MEIS1: variants seen among roughly 807,000 people sequenced by gnomAD.
The protein encoded by MEIS1 is Meis homeobox 1.
A neutral mutation model predicts 50.8 loss-of-function variants in MEIS1; 5 were observed. That is an observed-to-expected ratio of 0.10 (90% CI 0.05 to 0.21). The LOEUF (loss-of-function observed/expected upper bound fraction) is 0.21, where lower values mean the gene tolerates loss of function less well. Ranked by LOEUF, MEIS1 falls within the 10% of genes least tolerant of loss-of-function variation. The pLI is 1.00. For synonymous variants in MEIS1, 176 were observed against 179.3 expected, an observed-to-expected ratio of 0.98 and a Z score of 0.15; for missense variants, 318 against 517.3, an observed-to-expected ratio of 0.61 and a Z score of 3.74.
chr2:66,533,554 G>A (rs1156581138), intron 8 of MEIS1, among the ~76,000 whole-genome samples: 1 of 152,098 alleles, frequency 6.6e-6, no homozygotes. Context: ...TTAGAATCTA[G>A]TAATTATTTA....
intron 8 of MEIS1, among the ~76,000 whole-genome samples, chr2:66,520,304 C>T (rs1674082446): frequency 1.8e-5 from 2 of 112,564 alleles, no homozygotes; most frequent in South Asian, 8.0e-4. Flanking sequence ...GAAACCCCGT[C>T]TCTACTAAAA....
At chr2:66,476,849 G>C (rs72895124) in intron 7 of MEIS1, among the ~76,000 whole-genome samples, 9,116 of 152,108 alleles carry the variant, frequency 0.06, 920 homozygotes, top group African/African-American at 0.2. Context: ...TCTCCTAAGA[G>C]AGCAAGTCTA....
intron 8 of MEIS1, among the ~76,000 whole-genome samples, chr2:66,544,353 A>T (rs1410609052): frequency 6.6e-6 from 1 of 152,142 alleles, no homozygotes; most frequent in African/African-American, 2.4e-5. Flanking sequence ...ATTGAAACAT[A>T]TTAGGTTTCA....
In MEIS1 at chr2:66,499,696, T is replaced by TAA. The variant is rs35294226; in HGVS notation, c.743-12437_743-12436dup. ...ACCAGTGAAGTGAGGGTACATAGGT[T>TAA]AAAAAAAAAAAAAAAAAGCTTCTAC... On this transcript the variant is annotated intron_variant, in intron 7 of 12. Coordinates refer to ENST00000272369, the MANE Select transcript of MEIS1 (RefSeq NM_002398.3). Among the ~76,000 whole-genome samples the TAA allele has an allele frequency of 5.2e-3, 664 of 127,704 alleles. 9 individuals carry two copies. Among genetic ancestry groups the TAA allele is most frequent in the African/African-American group, 0.015 (525 of 34,440 alleles). 83.8% of individuals were successfully genotyped at this position (127,704 alleles called of 152,430 possible).
intron 6 of MEIS1, 101 bp from the exon 7 acceptor site, chr2:66,464,008 T>C: frequency 2.5e-6 from 2 of 787,456 alleles, no homozygotes; most frequent in East Asian, 5.4e-5. Context: ...GGCATGGTTA[T>C]GTGCTCCAGC....
At chr2:66,567,832 A>G (rs182665815) in intron 10 of MEIS1, 32 of 561,606 alleles carry the variant, frequency 5.7e-5, no homozygotes, top group African/African-American at 4.9e-4. Flanking sequence ...TTCTGCTACT[A>G]TGACCACTCC....
intron 8 of MEIS1, among the ~76,000 whole-genome samples, chr2:66,544,800 G>C (rs1242154001): frequency 6.6e-6 from 1 of 152,068 alleles, no homozygotes; most frequent in Non-Finnish European, 1.5e-5. Context: ...GGAAAAAAAG[G>C]GTAGAACTTT....
At chr2:66,477,845 C>T (rs995298722) in intron 7 of MEIS1, among the ~76,000 whole-genome samples, 1 of 152,070 alleles carries the variant, frequency 6.6e-6, no homozygotes, top group Non-Finnish European at 1.5e-5. Flanking sequence ...ATTTTTCTTT[C>T]TATGTAGAGT....
chr2:66,437,588 A>G (rs1671829310), intron 1 of MEIS1, 149 bp from the exon 2 acceptor site: 1 of 665,702 alleles, frequency 1.5e-6, no homozygotes, highest in Non-Finnish European at 2.7e-6. Context: ...TTTTAAAATA[A>G]GAAAAACTCA....
chr2:66,524,762 CTTGTCAAATTTATCATGTGAT>C (rs1674208379), intron 8 of MEIS1, among the ~76,000 whole-genome samples: 1 of 151,910 alleles, frequency 6.6e-6, no homozygotes, highest in Admixed American at 6.6e-5. Context: ...TTTCTCCGAA[CTTGTCAAATTTATCATGTGAT>C]TTAACAATGA....
At chr2:66,436,793 T>C in intron 1 of MEIS1, 1 of 789,182 alleles carries the variant, frequency 1.3e-6, no homozygotes, top group Non-Finnish European at 1.5e-6. Flanking sequence ...GGAAAATAAC[T>C]GCCTGGAATG....
At chr2:66,439,372 C>T (rs1671890273) in intron 2 of MEIS1, 1 of 1,249,344 alleles carries the variant, frequency 8.0e-7, no homozygotes, top group South Asian at 3.1e-5. Context: ...GTTAGCTGAG[C>T]GCCTGCCACC....
chr2:66,446,126 G>A (rs951789505), intron 6 of MEIS1, among the ~76,000 whole-genome samples: 1 of 152,166 alleles, frequency 6.6e-6, no homozygotes, highest in Non-Finnish European at 1.5e-5. Flanking sequence ...GGGAGAGGGG[G>A]GCCATGATGC....
rs1573124537 is a variant in MEIS1, at chr2:66,444,585, G to C, written c.630+1537G>C. Reference sequence around the variant, plus strand: ...TTTCGGCAGTGTAGTCCATTGCACAGAACACGCAGCGTGCGCAATCCCAGT... The same window carrying C: ...TTTCGGCAGTGTAGTCCATTGCACACAACACGCAGCGTGCGCAATCCCAGT... On this transcript the variant is annotated intron_variant, in intron 6 of 12. Coordinates refer to ENST00000272369, the MANE Select transcript of MEIS1 (RefSeq NM_002398.3). Among the ~76,000 whole-genome samples, 4 of 152,338 alleles carry C rather than the reference G, an allele frequency of 2.6e-5. 1 individual carries two copies. Among genetic ancestry groups the C allele is most frequent in the African/African-American group, 9.6e-5 (4 of 41,578 alleles).
chr2:66,458,874 A>G (rs1672455796), intron 6 of MEIS1, among the ~76,000 whole-genome samples: 1 of 152,244 alleles, frequency 6.6e-6, no homozygotes, highest in South Asian at 2.1e-4. Context: ...TGACAATTTA[A>G]CAAAGATTCC....
At chr2:66,555,869 C>G (rs2103948946) in intron 9 of MEIS1, among the ~76,000 whole-genome samples, 1 of 152,268 alleles carries the variant, frequency 6.6e-6, no homozygotes, top group East Asian at 1.9e-4. Context: ...TTGAATAGAA[C>G]AGTTTTCTTG....
intron 9 of MEIS1, among the ~76,000 whole-genome samples, chr2:66,549,130 T>C (rs1674857666): frequency 6.6e-6 from 1 of 152,216 alleles, no homozygotes; most frequent in South Asian, 2.1e-4. Context: ...GTAATTTCTG[T>C]CAATATAATC....
intron 7 of MEIS1, among the ~76,000 whole-genome samples, chr2:66,478,542 T>C (rs1336293618): frequency 6.6e-6 from 1 of 152,256 alleles, no homozygotes; most frequent in Non-Finnish European, 1.5e-5. Flanking sequence ...CTCCTGTTGA[T>C]ATCAGTGAGC....
At chr2:66,534,663 A>G (rs1674476396) in intron 8 of MEIS1, among the ~76,000 whole-genome samples, 1 of 152,218 alleles carries the variant, frequency 6.6e-6, no homozygotes, top group African/African-American at 2.4e-5. Context: ...GACTCTCCAC[A>G]TAGGCCTAAG....
Sources: gnomAD v4.1 joint callset for allele counts (sites outside exome capture counted in the v4.1 genomes callset) on GRCh38, gnomAD v4.1.1 for gene constraint, MANE v1.5 for transcripts, NCBI Gene and HGNC (gene_info 2026-07-23, HGNC 2026-07-21) for gene names.